The following LGR4 variants were observed in gnomAD, a reference collection of about 807,000 sequenced individuals.
The protein encoded by LGR4 is leucine-rich repeat-containing G protein-coupled receptor 4.
In LGR4, 44 loss-of-function variants were observed where a neutral mutation model predicts 84.8. The observed-to-expected ratio is 0.52, with a 90% CI of 0.41 to 0.67. The LOEUF (loss-of-function observed/expected upper bound fraction) is 0.67, where lower values mean the gene tolerates loss of function less well. LGR4 is among the 30% of genes least tolerant of loss of function. The pLI is 0.00. For missense variants in LGR4, 1,032 were observed against 1,131.4 expected (o/e 0.91, Z 1.26); for synonymous variants, 429 against 434.3 (o/e 0.99, Z 0.15).
intron 1 of LGR4, among the ~76,000 whole-genome samples, chr11:27,420,212 GA>G (rs1863902521): frequency 6.6e-6 from 1 of 152,108 alleles, no homozygotes; most frequent in South Asian, 2.1e-4. Flanking sequence ...TACTCTAAAT[GA>G]AAAATTCTGA....
At chr11:27,447,466 CT>C (rs1357854963) in intron 1 of LGR4, among the ~76,000 whole-genome samples, 1 of 152,146 alleles carries the variant, frequency 6.6e-6, no homozygotes, top group Non-Finnish European at 1.5e-5. Context: ...AGAAGTTACC[CT>C]ATATGGTCTG....
rs1316515495 is a variant in LGR4 at position 27,377,181 on chromosome 11, A to G, written c.1086T>C (p.Asn362=). 1.3e-6 allele frequency: 2 copies of G among 1,593,746 alleles called. No individual in the cohort carries two copies. The highest frequency in any genetic ancestry group is 1.1e-5 in the South Asian group (1 of 89,568). ...YNNIRDLPSF[N]GCHALEEISL... is the part of the protein sequence containing the mutation. ...ACATTTCTTCCAGAGCATGGCAACCATTAAAACTTGGAAGGTCTCTTATAT... is the reference window on the plus strand; with the variant it reads ...ACATTTCTTCCAGAGCATGGCAACCGTTAAAACTTGGAAGGTCTCTTATAT... Residue 362 remains asparagine (N), a synonymous_variant, in exon 12 of 18, where the codon AAT becomes AAC. Coordinates refer to ENST00000379214, the MANE Select transcript of LGR4 (RefSeq NM_018490.5).
At chr11:27,408,985 T>C (rs973427784) in intron 2 of LGR4, among the ~76,000 whole-genome samples, 1 of 152,000 alleles carries the variant, frequency 6.6e-6, no homozygotes, top group East Asian at 1.9e-4. Context: ...CCAACAGGTG[T>C]TGGGGGAGAG....
intron 1 of LGR4, among the ~76,000 whole-genome samples, chr11:27,451,050 A>C (rs1157431587): frequency 2.0e-5 from 3 of 152,228 alleles, no homozygotes; most frequent in African/African-American, 4.8e-5. Flanking sequence ...TTACAAAAAC[A>C]CTTCTTAAAA....
intron 2 of LGR4, among the ~76,000 whole-genome samples, chr11:27,402,303 C>T (rs547899862): frequency 3.5e-4 from 53 of 152,212 alleles, no homozygotes; most frequent in Admixed American, 1.4e-3. Flanking sequence ...TAAATGAGAA[C>T]GCATTAGAAG....
intron 3 of LGR4, 69 bp from the exon 4 acceptor site, chr11:27,391,234 C>A: frequency 1.4e-5 from 7 of 490,126 alleles, no homozygotes; most frequent in East Asian, 3.7e-5. Context: ...AAATTCAGAG[C>A]CTTTTTTTTT....
chr11:27,391,233 GC>G, intron 3 of LGR4, 68 bp from the exon 4 acceptor site: 3 of 564,826 alleles, frequency 5.3e-6, no homozygotes, highest in South Asian at 2.2e-5. Flanking sequence ...AAAATTCAGA[GC>G]CTTTTTTTTT....
intron 16 of LGR4, 42 bp from the exon 17 acceptor site, chr11:27,371,740 C>T: frequency 2.1e-6 from 3 of 1,436,756 alleles, no homozygotes; most frequent in Non-Finnish European, 2.9e-6. Flanking sequence ...AAACCTTATG[C>T]AACTCAAAAG....
At chr11:27,460,908 A>G (rs1864668893) in intron 1 of LGR4, among the ~76,000 whole-genome samples, 1 of 151,524 alleles carries the variant, frequency 6.6e-6, no homozygotes, top group African/African-American at 2.4e-5. Context: ...TTTTTTTTTA[A>G]AGAAGGAGAC....
rs1450600085 is a variant in LGR4, at chr11:27,367,819, T to TA, written c.*47dup. Reference sequence around the variant, plus strand: ...AAAGATGAGAATAGGGTTCACTCTATAAACACTGATTTTGGTTGACGGGGG... The same window carrying TA: ...AAAGATGAGAATAGGGTTCACTCTATAAAACACTGATTTTGGTTGACGGGGG... On this transcript the variant is annotated 3_prime_UTR_variant, in exon 18 of 18. Coordinates refer to ENST00000379214, the MANE Select transcript of LGR4 (RefSeq NM_018490.5). 1 of 1,397,670 alleles carries TA rather than the reference T, an allele frequency of 7.2e-7. No homozygotes were observed. The highest frequency in any genetic ancestry group is 2.3e-5 in the East Asian group (1 of 43,782). The allele number at this position is 1,397,670 out of a possible 1,614,324, so 86.6% of individuals were successfully genotyped here.
chr11:27,374,727 T>A (rs1862943894), intron 13 of LGR4, among the ~76,000 whole-genome samples: 1 of 152,144 alleles, frequency 6.6e-6, no homozygotes, highest in Non-Finnish European at 1.5e-5. Context: ...ACACACTTGG[T>A]TCCAAATCAC....
intron 4 of LGR4, 70 bp downstream of exon 4, chr11:27,391,024 T>C: frequency 5.7e-6 from 5 of 872,744 alleles, no homozygotes; most frequent in Middle Eastern, 4.5e-4. Flanking sequence ...TTCCTTACAA[T>C]TCTAGTTATT....
At chr11:27,453,866 C>G (rs1864527280) in intron 1 of LGR4, among the ~76,000 whole-genome samples, 1 of 152,214 alleles carries the variant, frequency 6.6e-6, no homozygotes, top group Non-Finnish European at 1.5e-5. Flanking sequence ...CAAAGTTAAC[C>G]TGAAAAACTA....
At chr11:27,412,476 T>G (rs2133398185) in intron 2 of LGR4, among the ~76,000 whole-genome samples, 1 of 152,280 alleles carries the variant, frequency 6.6e-6, no homozygotes, top group South Asian at 2.1e-4. Context: ...ACAGCAGCCT[T>G]GTTATCTCAG....
Position 27,400,523 on chromosome 11 carries a change from G to A in LGR4, c.258-8005C>T, listed in dbSNP as rs185900718. On this transcript the variant is annotated intron_variant, in intron 2 of 17. Coordinates refer to ENST00000379214, the MANE Select transcript of LGR4 (RefSeq NM_018490.5). ...TTTCTTTTCCTTTTTTTTTTTTTGA[G>A]AAGGAGTCTCACTCTGTCGCCCAGG... 4.4e-3 allele frequency among the ~76,000 whole-genome samples: 649 copies of A among 148,814 alleles called. 3 individuals carry two copies. The highest frequency in any genetic ancestry group is 7.0e-3 in the Non-Finnish European group (474 of 67,408).
At chr11:27,393,361 T>C (rs527516698) in intron 2 of LGR4, among the ~76,000 whole-genome samples, 17 of 152,182 alleles carry the variant, frequency 1.1e-4, no homozygotes, top group African/African-American at 4.1e-4. Context: ...TGTGTGTTCA[T>C]ATGATCAAAC....
At chr11:27,424,020 G>A (rs1863972622) in intron 1 of LGR4, among the ~76,000 whole-genome samples, 1 of 152,156 alleles carries the variant, frequency 6.6e-6, no homozygotes, top group Non-Finnish European at 1.5e-5. Flanking sequence ...GAGAGTTACT[G>A]CTTTATGACA....
At chr11:27,439,638 T>C (rs1233105605) in intron 1 of LGR4, among the ~76,000 whole-genome samples, 3 of 152,202 alleles carry the variant, frequency 2.0e-5, no homozygotes, top group African/African-American at 7.2e-5. Flanking sequence ...TTTTAATTTT[T>C]TGAGGAACCA....
intron 1 of LGR4, among the ~76,000 whole-genome samples, chr11:27,435,869 T>A (rs1004445254): frequency 1.3e-5 from 2 of 151,818 alleles, no homozygotes; most frequent in Non-Finnish European, 2.9e-5. Context: ...TCCTAAGAGG[T>A]AGGTTCTATC....
Sources: allele counts gnomAD v4.1 joint callset (sites outside exome capture counted in the v4.1 genomes callset), GRCh38; gene constraint gnomAD v4.1.1; transcripts MANE v1.5; gene names NCBI Gene and HGNC (gene_info 2026-07-23, HGNC 2026-07-21).